The following DGKB variants were observed in gnomAD, a reference collection of about 807,000 sequenced individuals.
DGKB encodes 90 kDa diacylglycerol kinase.
Under a neutral mutation model 114.3 loss-of-function variants are expected in DGKB, and 67 were observed. That is an observed-to-expected ratio of 0.59 (90% CI 0.48 to 0.72). The LOEUF (loss-of-function observed/expected upper bound fraction) is 0.72, where lower values mean the gene tolerates loss of function less well. Ranked by LOEUF, DGKB falls within the 30% of genes least tolerant of loss-of-function variation. The pLI is 0.00. For synonymous variants in DGKB, 398 were observed against 323.1 expected, an observed-to-expected ratio of 1.23 and a Z score of -2.49; for missense variants, 907 against 975.2, an observed-to-expected ratio of 0.93 and a Z score of 0.93.
At chr7:14,654,443 G>A (rs1345832297) in intron 13 of DGKB, among the ~76,000 whole-genome samples, 1 of 151,960 alleles carries the variant, frequency 6.6e-6, no homozygotes, top group East Asian at 1.9e-4. Context: ...AGTTAATATT[G>A]TCAAAATGAC....
chr7:14,939,756 G>C (rs536561946), intron 1 of DGKB, among the ~76,000 whole-genome samples: 40 of 146,912 alleles, frequency 2.7e-4, no homozygotes, highest in Admixed American at 2.1e-3. Flanking sequence ...TGGGATTACA[G>C]GTACCCACCA....
chr7:14,889,857 C>T (rs1587224988), intron 1 of DGKB, among the ~76,000 whole-genome samples: 1 of 151,528 alleles, frequency 6.6e-6, no homozygotes, highest in East Asian at 1.9e-4. Context: ...TTAACCCAGA[C>T]CTGTCAAGGA....
At chr7:14,761,050 A>G (rs1835615878) in intron 2 of DGKB, among the ~76,000 whole-genome samples, 1 of 152,202 alleles carries the variant, frequency 6.6e-6, no homozygotes, top group East Asian at 1.9e-4. Context: ...ATGAATCACT[A>G]TCAATTCAAC....
intron 2 of DGKB, among the ~76,000 whole-genome samples, chr7:14,775,877 G>A (rs919601731): frequency 9.2e-5 from 14 of 152,162 alleles, no homozygotes; most frequent in East Asian, 7.8e-4. Context: ...AAAGATATCC[G>A]AAAATGTGGA....
rs1230508717 is a variant in DGKB, at chr7:14,845,357, CTTCA to C, written c.-187-3911_-187-3908del. ...GAATATAACATTTTAACATCAAATACTTCATTTATTTATATTATTTAACATTTGT... is the reference window on the plus strand; with the variant it reads ...GAATATAACATTTTAACATCAAATACTTTATTTATATTATTTAACATTTGT... On this transcript the variant is annotated intron_variant, in intron 1 of 25. Coordinates refer to ENST00000402815, the MANE Select transcript of DGKB (RefSeq NM_001350709.2). Among the ~76,000 whole-genome samples, 5 of 152,080 alleles carry C rather than the reference CTTCA, an allele frequency of 3.3e-5. No individual in the cohort carries two copies. The East Asian group carries it at 7.7e-4, about 24-fold the overall frequency.
intron 23 of DGKB, among the ~76,000 whole-genome samples, chr7:14,214,317 T>C (rs1351512355): frequency 2.0e-5 from 3 of 152,172 alleles, no homozygotes; most frequent in African/African-American, 7.2e-5. Flanking sequence ...TTCTTGGATA[T>C]GGCACGCTCT....
chr7:14,352,076 A>G (rs1813547410), intron 21 of DGKB, among the ~76,000 whole-genome samples: 1 of 152,210 alleles, frequency 6.6e-6, no homozygotes, highest in African/African-American at 2.4e-5. Context: ...AAATGCTTGT[A>G]TCTAATGCTC....
upstream of DGKB, among the ~76,000 whole-genome samples, chr7:14,904,616 C>G (rs1783576678): frequency 6.6e-6 from 1 of 152,118 alleles, no homozygotes; most frequent in Admixed American, 6.6e-5. Context: ...CAAAGCCAGC[C>G]TAACTTCAAT....
upstream of DGKB, among the ~76,000 whole-genome samples, chr7:14,908,094 G>C (rs1783800346): frequency 6.6e-6 from 1 of 152,122 alleles, no homozygotes; most frequent in African/African-American, 2.4e-5. Flanking sequence ...AACTATAATT[G>C]ATTTAGCAAT....
At chr7:14,728,486 T>G (rs1037084185) in intron 5 of DGKB, among the ~76,000 whole-genome samples, 11 of 152,112 alleles carry the variant, frequency 7.2e-5, no homozygotes, top group Admixed American at 3.3e-4. Context: ...CAAGTCTATC[T>G]TCCTCCAGTC....
chr7:14,198,566 G>C (rs946030894), intron 23 of DGKB, among the ~76,000 whole-genome samples: 4 of 151,982 alleles, frequency 2.6e-5, no homozygotes, highest in African/African-American at 4.8e-5. Context: ...ACAATACCTT[G>C]ATCTTTCATA....
intron 2 of DGKB, among the ~76,000 whole-genome samples, chr7:14,800,195 C>A (rs1484659035): frequency 1.3e-5 from 2 of 152,284 alleles, no homozygotes; most frequent in East Asian, 3.9e-4. Context: ...GAATTACAGG[C>A]GTGAGCCACC....
At chr7:14,764,615 T>C (rs1017408077) in intron 2 of DGKB, among the ~76,000 whole-genome samples, 3 of 151,944 alleles carry the variant, frequency 2.0e-5, no homozygotes, top group African/African-American at 7.2e-5. Flanking sequence ...TATATGCAGC[T>C]GAGATGGAAT....
chr7:14,827,464 C>G (rs1158267749), intron 2 of DGKB, among the ~76,000 whole-genome samples: 1 of 151,646 alleles, frequency 6.6e-6, no homozygotes, highest in African/African-American at 2.4e-5. Context: ...GACAGACAGA[C>G]TAACTACACG....
chr7:14,443,512 C>T (rs931837851), intron 21 of DGKB, among the ~76,000 whole-genome samples: 1 of 152,066 alleles, frequency 6.6e-6, no homozygotes, highest in South Asian at 2.1e-4. Context: ...GATAGGTTAG[C>T]TTATTTTCAA....
chr7:14,730,556 C>T (rs1262239490), intron 5 of DGKB, among the ~76,000 whole-genome samples: 1 of 152,174 alleles, frequency 6.6e-6, no homozygotes, highest in Non-Finnish European at 1.5e-5. Context: ...GTTTAAGTCA[C>T]AGCAAATAGT....
At chr7:14,291,099 G>C (rs1432436680) in intron 23 of DGKB, among the ~76,000 whole-genome samples, 1 of 132,568 alleles carries the variant, frequency 7.5e-6, no homozygotes, top group African/African-American at 3.0e-5. Context: ...CCGAGGTCAT[G>C]CTACTGCACT....
intron 20 of DGKB, among the ~76,000 whole-genome samples, chr7:14,525,795 T>C (rs1790545739): frequency 6.6e-6 from 1 of 152,166 alleles, no homozygotes; most frequent in East Asian, 1.9e-4. Flanking sequence ...TTCGGGTAAC[T>C]AGAAATTCAA....
chr7:14,689,162 A>C (rs1822264368), intron 9 of DGKB, among the ~76,000 whole-genome samples: 2 of 148,818 alleles, frequency 1.3e-5, no homozygotes, highest in Non-Finnish European at 3.0e-5. Flanking sequence ...AAGGTCTCCA[A>C]AAAAAAAATT....
Sources: gnomAD v4.1 joint callset for allele counts (sites outside exome capture counted in the v4.1 genomes callset) on GRCh38, gnomAD v4.1.1 for gene constraint, MANE v1.5 for transcripts, NCBI Gene and HGNC (gene_info 2026-07-23, HGNC 2026-07-21) for gene names.